The following EXOC4 variants were observed in gnomAD, a reference collection of about 807,000 sequenced individuals.
The protein encoded by EXOC4 is SEC8-like 1.
A neutral mutation model predicts 107.2 loss-of-function variants in EXOC4; 71 were observed. That is an observed-to-expected ratio of 0.66 (90% CI 0.55 to 0.81). EXOC4 has a LOEUF of 0.81. Ranked by LOEUF, EXOC4 falls within the 30% of genes least tolerant of loss-of-function variation. The pLI is 0.00. For synonymous variants in EXOC4, 456 were observed against 441.2 expected (o/e 1.03, Z -0.42); for missense variants, 1,108 against 1,189.6 (o/e 0.93, Z 1.01).
At chr7:133,363,497 T>G (rs1361278755) in intron 6 of EXOC4, among the ~76,000 whole-genome samples, 1 of 152,092 alleles carries the variant, frequency 6.6e-6, no homozygotes, top group Non-Finnish European at 1.5e-5. Context: ...ATCATTCTGG[T>G]TGTGTATTGT....
At chr7:133,952,087 T>G (rs1585273170) in intron 14 of EXOC4, among the ~76,000 whole-genome samples, 1 of 150,340 alleles carries the variant, frequency 6.7e-6, no homozygotes, top group Non-Finnish European at 1.5e-5. Flanking sequence ...ACCCAGGAGG[T>G]GGAGGTTGCA....
intron 6 of EXOC4, 108 bp from the exon 7 acceptor site, chr7:133,374,720 T>C: frequency 1.2e-6 from 1 of 867,312 alleles, no homozygotes; most frequent in Non-Finnish European, 1.8e-6. Context: ...TAATGCTGTT[T>C]ACATTGTAGA....
At chr7:133,281,564 T>G (rs1045433047) in intron 2 of EXOC4, among the ~76,000 whole-genome samples, 17 of 152,076 alleles carry the variant, frequency 1.1e-4, no homozygotes, top group African/African-American at 3.9e-4. Flanking sequence ...CATAGATAAC[T>G]TTTTAGGATA....
chr7:133,990,719 G>A (rs577638081), intron 14 of EXOC4, among the ~76,000 whole-genome samples: 6 of 152,156 alleles, frequency 3.9e-5, no homozygotes, highest in Admixed American at 6.5e-5. Flanking sequence ...CTCCTGAAGC[G>A]CTGGGATTAC....
intron 10 of EXOC4, among the ~76,000 whole-genome samples, chr7:133,672,821 G>C (rs568832026): frequency 6.6e-6 from 1 of 152,178 alleles, no homozygotes; most frequent in Non-Finnish European, 1.5e-5. Context: ...AGCAAGTCAC[G>C]TAAGGATTTA....
intron 10 of EXOC4, among the ~76,000 whole-genome samples, chr7:133,725,679 G>A (rs1339018333): frequency 1.3e-5 from 2 of 152,072 alleles, no homozygotes; most frequent in Admixed American, 6.6e-5. Flanking sequence ...TCTGGCCAGG[G>A]TTGACATTTC....
At chr7:133,817,051 G>A (rs1256888013) in intron 10 of EXOC4, among the ~76,000 whole-genome samples, 1 of 152,040 alleles carries the variant, frequency 6.6e-6, no homozygotes, top group Non-Finnish European at 1.5e-5. Context: ...ATTGTTTCTT[G>A]TAGTCTTATC....
At chr7:133,998,979 A>G (rs946032775) in intron 15 of EXOC4, among the ~76,000 whole-genome samples, 7 of 152,086 alleles carry the variant, frequency 4.6e-5, no homozygotes, top group African/African-American at 1.7e-4. Flanking sequence ...GAAAACCACT[A>G]GTTTGGGGCC....
chr7:133,416,172 C>T (rs1407605013), intron 7 of EXOC4, among the ~76,000 whole-genome samples: 1 of 152,082 alleles, frequency 6.6e-6, no homozygotes, highest in Non-Finnish European at 1.5e-5. Context: ...GAAAAAAAGA[C>T]TGTGGTGTAA....
intron 5 of EXOC4, among the ~76,000 whole-genome samples, chr7:133,329,366 T>C (rs1469443868): frequency 6.6e-6 from 1 of 152,180 alleles, no homozygotes; most frequent in Admixed American, 6.5e-5. Flanking sequence ...GGTTAGAACA[T>C]GTTCCTTTAA....
chr7:133,476,216 T>C (rs916438653), intron 8 of EXOC4, among the ~76,000 whole-genome samples: 1 of 152,226 alleles, frequency 6.6e-6, no homozygotes, highest in Non-Finnish European at 1.5e-5. Flanking sequence ...TCTCATAGCT[T>C]ATTTTATTTA....
chr7:133,475,575 A>G, intron 8 of EXOC4, 102 bp downstream of exon 8: 1 of 1,032,052 alleles, frequency 9.7e-7, no homozygotes, highest in Non-Finnish European at 1.4e-6. Flanking sequence ...GCTTAAGTTG[A>G]TTGAAGTAAT....
chr7:133,350,503 G>A (rs998850821), intron 5 of EXOC4, among the ~76,000 whole-genome samples: 2 of 151,880 alleles, frequency 1.3e-5, no homozygotes, highest in African/African-American at 4.8e-5. Flanking sequence ...TTTCCCCTAG[G>A]GTCTCTTTTC....
intron 17 of EXOC4, among the ~76,000 whole-genome samples, chr7:134,015,091 G>T (rs775731624): frequency 5.9e-5 from 9 of 152,264 alleles, no homozygotes; most frequent in South Asian, 4.1e-4. Context: ...GAAGGAGGTG[G>T]TGAAAGAAGA....
chr7:133,982,412 C>T (rs1210986198), intron 14 of EXOC4, among the ~76,000 whole-genome samples: 3 of 152,044 alleles, frequency 2.0e-5, no homozygotes, highest in African/African-American at 4.8e-5. Flanking sequence ...ATTAGCCAGG[C>T]GTGGTGGCGG....
At chr7:134,042,800 G>T (rs1795550452) in intron 17 of EXOC4, among the ~76,000 whole-genome samples, 1 of 152,218 alleles carries the variant, frequency 6.6e-6, no homozygotes, top group African/African-American at 2.4e-5. Context: ...CACTTTGGGA[G>T]ACTGAGGTGG....
intron 10 of EXOC4, among the ~76,000 whole-genome samples, chr7:133,657,150 TATTAA>T (rs1803319369): frequency 6.6e-6 from 1 of 152,180 alleles, no homozygotes; most frequent in African/African-American, 2.4e-5. Flanking sequence ...TCGGGTTTCA[TATTAA>T]ATTAATGATG....
chr7:133,470,918 AG>A (rs1228053411), intron 7 of EXOC4, among the ~76,000 whole-genome samples: 3 of 152,168 alleles, frequency 2.0e-5, no homozygotes, highest in African/African-American at 7.2e-5. Context: ...TTGAACCCAT[AG>A]GTGTGTGCTT....
intron 13 of EXOC4, among the ~76,000 whole-genome samples, chr7:133,927,707 G>A (rs1291278683): frequency 6.6e-6 from 1 of 152,142 alleles, no homozygotes; most frequent in Admixed American, 6.5e-5. Flanking sequence ...TTAAATAAGT[G>A]CAAGAGTAAA....
Sources: allele counts gnomAD v4.1 joint callset (sites outside exome capture counted in the v4.1 genomes callset), GRCh38; gene constraint gnomAD v4.1.1; transcripts MANE v1.5; gene names NCBI Gene and HGNC (gene_info 2026-07-23, HGNC 2026-07-21).